HUNK: variants seen among roughly 807,000 people sequenced by gnomAD.
HUNK encodes the protein hormonally up-regulated neu tumor-associated kinase.
In HUNK, 21 loss-of-function variants were observed where a neutral mutation model predicts 61.0. The observed-to-expected ratio is 0.34, with a 90% CI of 0.24 to 0.50. HUNK has a LOEUF of 0.50. Ranked by LOEUF, HUNK falls within the 20% of genes least tolerant of loss-of-function variation. The pLI, the probability that HUNK is intolerant of heterozygous loss-of-function variation, is 0.98. For synonymous variants in HUNK, 371 were observed against 386.1 expected (o/e 0.96, Z 0.46); for missense variants, 772 against 945.7 (o/e 0.82, Z 2.41).
At chr21:31,945,715 C>G (rs1345264815) in intron 3 of HUNK, among the ~76,000 whole-genome samples, 2 of 152,072 alleles carry the variant, frequency 1.3e-5, no homozygotes, top group Admixed American at 1.3e-4. Context: ...AGCGAATTCT[C>G]TCTTTTTTTC....
At chr21:31,922,840 C>T (rs2052631912) in intron 1 of HUNK, among the ~76,000 whole-genome samples, 1 of 152,124 alleles carries the variant, frequency 6.6e-6, no homozygotes, top group Non-Finnish European at 1.5e-5. Flanking sequence ...GCATATAATG[C>T]ATATTGAGTG....
At chr21:31,968,154 G>A (rs1479660739) in intron 5 of HUNK, 96 bp from the exon 6 acceptor site, 5 of 1,458,202 alleles carry the variant, frequency 3.4e-6, no homozygotes, top group Non-Finnish European at 4.7e-6. Flanking sequence ...ACTCGGGATG[G>A]GCAGGCAAGG....
At position 31,976,459 on chromosome 21, in the gene HUNK, C is replaced by CTTTTTTTTT. The variant is rs34950116; in HGVS notation, c.1173+1758_1173+1766dup. On this transcript the variant is annotated intron_variant, in intron 7 of 10. Coordinates refer to ENST00000270112, the MANE Select transcript of HUNK (RefSeq NM_014586.2). ...CTCTTGTTTTAATTGTTTTTTGAGA[C>CTTTTTTTTT]TTTTTTTTTTTTTTTTTTTTTTTTG... Among the ~76,000 whole-genome samples, 22 of 63,624 alleles carry CTTTTTTTTT rather than the reference C, an allele frequency of 3.5e-4. 1 individual carries two copies. Among genetic ancestry groups the CTTTTTTTTT allele is most frequent in the East Asian group, 5.1e-4 (1 of 1,944 alleles). 41.7% of individuals were successfully genotyped at this position (63,624 alleles called of 152,430 possible). A position where few individuals can be genotyped will look rare whatever the true frequency, so the allele number is the denominator to read the frequency against.
In HUNK at chr21:31,999,185, C is replaced by G. The variant is rs116211668; in HGVS notation, c.*1C>G. The G allele has an allele frequency of 1.3e-6, 2 of 1,592,606 alleles. No individual in the cohort carries two copies. Among genetic ancestry groups the G allele is most frequent in the Admixed American group, 3.6e-5 (2 of 55,892 alleles). On this transcript the variant is annotated 3_prime_UTR_variant, in exon 11 of 11. Coordinates refer to ENST00000270112, the MANE Select transcript of HUNK (RefSeq NM_014586.2). ...CGATGGGGTCAAGACCCAGTGCTAACTTGGGCCAGCGGGGTTTGGGGTATC... is the reference window on the plus strand; with the variant it reads ...CGATGGGGTCAAGACCCAGTGCTAAGTTGGGCCAGCGGGGTTTGGGGTATC...
intron 4 of HUNK, among the ~76,000 whole-genome samples, chr21:31,948,577 T>C (rs1406477845): frequency 6.6e-6 from 1 of 151,450 alleles, no homozygotes; most frequent in African/African-American, 2.4e-5. Context: ...CCTCAGCACC[T>C]GGTGGAACTT....
intron 2 of HUNK, among the ~76,000 whole-genome samples, chr21:31,927,527 C>T (rs888342256): frequency 3.3e-5 from 5 of 152,026 alleles, no homozygotes; most frequent in Non-Finnish European, 5.9e-5. Context: ...GCCTGTAGTG[C>T]CAGCTACTCT....
intron 1 of HUNK, among the ~76,000 whole-genome samples, chr21:31,891,361 A>C (rs149177351): frequency 0.018 from 2,692 of 152,376 alleles, 72 homozygotes; most frequent in Admixed American, 0.07. Context: ...TGGGCGACAG[A>C]GTGAGACTGT....
intron 7 of HUNK, among the ~76,000 whole-genome samples, chr21:31,982,622 C>T (rs1401512613): frequency 6.6e-6 from 1 of 152,036 alleles, no homozygotes; most frequent in Non-Finnish European, 1.5e-5. Context: ...ATTAATTAAT[C>T]CATGTTTTTA....
chr21:31,968,479 A>G, intron 6 of HUNK, 94 bp downstream of exon 6: 1 of 1,465,410 alleles, frequency 6.8e-7, no homozygotes, highest in African/African-American at 1.4e-5. Flanking sequence ...CCGTGATTGA[A>G]GGAAAAGCCG....
chr21:31,882,030 A>G (rs1174758263), intron 1 of HUNK, among the ~76,000 whole-genome samples: 1 of 152,084 alleles, frequency 6.6e-6, no homozygotes, highest in African/African-American at 2.4e-5. Context: ...CAGCATGCCT[A>G]CTTCAGAGAC....
intron 1 of HUNK, among the ~76,000 whole-genome samples, chr21:31,913,979 C>A (rs1368283409): frequency 1.3e-5 from 2 of 152,120 alleles, no homozygotes; most frequent in Non-Finnish European, 2.9e-5. Context: ...AGCCTACTGA[C>A]CACCACTTAT....
intron 8 of HUNK, among the ~76,000 whole-genome samples, chr21:31,986,960 G>A (rs2053137781): frequency 6.6e-6 from 1 of 152,132 alleles, no homozygotes; most frequent in Non-Finnish European, 1.5e-5. Context: ...CTCTCCCTCT[G>A]GGCTGTGAGT....
Position 31,998,726 on chromosome 21 carries a change from G to A in HUNK, c.1687G>A (p.Glu563Lys), listed in dbSNP as rs374612937. The A allele has an allele frequency of 1.4e-5, 22 of 1,614,094 alleles. No homozygotes were observed. The Admixed American group carries it at 2.0e-4, about 15-fold the overall frequency. The change falls in exon 11 of 11, where the codon GAG (glutamate) becomes AAG (lysine). Residue 563 changes from glutamate to lysine, a missense_variant. This residue lies in a region of HUNK where 413 missense variants were observed against 444.4 expected (regional missense o/e 0.93). Transcript: ENST00000270112. ...GATGCTGGACATGGTGCGCTCCTTC[G>A]AGTCTGTGGATCGCGACGACCACGT... ...PLMLDMVRSF[E>K]SVDRDDHVEV... is the part of the protein sequence containing the mutation.
intron 1 of HUNK, among the ~76,000 whole-genome samples, chr21:31,904,615 T>C (rs1037616978): frequency 6.6e-6 from 1 of 152,250 alleles, no homozygotes; most frequent in African/African-American, 2.4e-5. Context: ...GTCATGTTGC[T>C]TCCTCTCCGG....
chr21:31,890,329 A>C (rs2052378019), intron 1 of HUNK, among the ~76,000 whole-genome samples: 1 of 151,988 alleles, frequency 6.6e-6, no homozygotes, highest in African/African-American at 2.4e-5. Flanking sequence ...CCCGGGTTCA[A>C]GCGATTCTCC....
At chr21:31,990,041 C>T (rs1601412713) in intron 8 of HUNK, 88 bp from the exon 9 acceptor site, 1 of 1,193,726 alleles carries the variant, frequency 8.4e-7, no homozygotes, top group East Asian at 2.3e-5. Context: ...TAATTCTCAA[C>T]CAGAGCTGCA....
rs138708219 is a variant in HUNK at position 31,954,183 on chromosome 21, A to G, written c.747-4660A>G. On this transcript the variant is annotated intron_variant, in intron 4 of 10. Coordinates refer to ENST00000270112, the MANE Select transcript of HUNK (RefSeq NM_014586.2). ...CCTTTAGTGGGGTTGTCCTCCCATT[A>G]TCATGATGTCCTACTTCCTAGAGGC... 1.4e-3 allele frequency among the ~76,000 whole-genome samples: 210 copies of G among 152,240 alleles called. 3 individuals are homozygous for G. Among genetic ancestry groups the G allele is most frequent in the African/African-American group, 4.9e-3 (202 of 41,546 alleles).
At chr21:31,915,388 T>C (rs2123809601) in intron 1 of HUNK, among the ~76,000 whole-genome samples, 1 of 152,288 alleles carries the variant, frequency 6.6e-6, no homozygotes, top group South Asian at 2.1e-4. Context: ...AAAAGAAAAC[T>C]CAGTTGATCA....
chr21:31,947,113 C>T lies in HUNK; in HGVS notation c.746+942C>T, dbSNP rs117516601. ...TATCCCAGTCTCAAACCAGTGGCGCCTATGCATTCCCACAGCCCATTCTCA... is the reference window on the plus strand; with the variant it reads ...TATCCCAGTCTCAAACCAGTGGCGCTTATGCATTCCCACAGCCCATTCTCA... On this transcript the variant is annotated intron_variant, in intron 4 of 10. Coordinates refer to ENST00000270112, the MANE Select transcript of HUNK (RefSeq NM_014586.2). Among the ~76,000 whole-genome samples the T allele has an allele frequency of 9.8e-3, 1,470 of 150,274 alleles. 54 individuals are homozygous for T. The East Asian group carries it at 0.17, about 18-fold the overall frequency.
Sources: allele counts gnomAD v4.1 joint callset (sites outside exome capture counted in the v4.1 genomes callset), GRCh38; gene constraint gnomAD v4.1.1; regional missense constraint gnomAD v4.1.1; transcripts MANE v1.5; gene names NCBI Gene and HGNC (gene_info 2026-07-23, HGNC 2026-07-21).